Variants in ZNF521 observed in about 807,000 individuals in gnomAD.
The protein encoded by ZNF521 is LYST-interacting protein 3.
ZNF521 carries 14 observed loss-of-function variants against 105.5 expected under a neutral mutation model. That is an observed-to-expected ratio of 0.13 (90% CI 0.09 to 0.21). The LOEUF is 0.21. Ranked by LOEUF, ZNF521 falls within the 10% of genes least tolerant of loss-of-function variation. The pLI is 1.00. For synonymous variants in ZNF521, 635 were observed against 606.0 expected (o/e 1.05, Z -0.70); for missense variants, 1,233 against 1,629.7 (o/e 0.76, Z 4.19).
chr18:25,280,349 C>A (rs1221505192), intron 3 of ZNF521, among the ~76,000 whole-genome samples: 1 of 152,016 alleles, frequency 6.6e-6, no homozygotes. Flanking sequence ...CACACACACA[C>A]TCAGGCACTT....
At chr18:25,172,412 G>A (rs1003323730) in intron 5 of ZNF521, among the ~76,000 whole-genome samples, 8 of 152,054 alleles carry the variant, frequency 5.3e-5, no homozygotes, top group South Asian at 2.1e-4. Flanking sequence ...TAGTCCAGTC[G>A]AGTCCTCCAT....
intron 2 of ZNF521, among the ~76,000 whole-genome samples, chr18:25,331,379 T>C (rs921142678): frequency 1.3e-5 from 2 of 152,146 alleles, no homozygotes; most frequent in East Asian, 1.9e-4. Flanking sequence ...GTGTAGTCTT[T>C]AGTACATAAT....
chr18:25,125,645 G>A (rs941772362), intron 5 of ZNF521, among the ~76,000 whole-genome samples: 5 of 151,756 alleles, frequency 3.3e-5, no homozygotes, highest in African/African-American at 4.8e-5. Context: ...GTGTGTGTGC[G>A]TGTGTGTATG....
chr18:25,128,181 T>C (rs986577608), intron 5 of ZNF521, among the ~76,000 whole-genome samples: 3 of 151,960 alleles, frequency 2.0e-5, no homozygotes, highest in Admixed American at 6.6e-5. Context: ...TGAAAATCAG[T>C]TGATGTAATC....
rs1567970573 is a variant in ZNF521, at chr18:25,120,594, A to AAAC, written c.3659-28514_3659-28513insGTT. Among the ~76,000 whole-genome samples, 78 of 147,176 alleles carry AAAC rather than the reference A, an allele frequency of 5.3e-4. 1 individual carries two copies. In the South Asian group the frequency reaches 8.4e-3, roughly 16 times the overall value. ...GCAAAACTCCATCTAAAAAAAAAAAAAAAAAAAACCACAAACAAACAAACA... is the reference window on the plus strand; with the variant it reads ...GCAAAACTCCATCTAAAAAAAAAAAAAACAAAAAAAACCACAAACAAACAAACA... On this transcript the variant is annotated intron_variant, in intron 5 of 7. Transcript: ENST00000361524.
At chr18:25,088,822 G>A (rs1037720784) in intron 7 of ZNF521, among the ~76,000 whole-genome samples, 2 of 151,922 alleles carry the variant, frequency 1.3e-5, no homozygotes, top group African/African-American at 4.8e-5. Flanking sequence ...CATTTTCACT[G>A]TATAACAGCC....
chr18:25,280,829 T>C (rs577188292), intron 3 of ZNF521, among the ~76,000 whole-genome samples: 1 of 152,210 alleles, frequency 6.6e-6, no homozygotes, highest in South Asian at 2.1e-4. Context: ...GTTTTAAATG[T>C]ATTCACATCA....
intron 5 of ZNF521, among the ~76,000 whole-genome samples, chr18:25,165,622 T>C (rs1324680636): frequency 6.6e-6 from 1 of 152,210 alleles, no homozygotes; most frequent in Non-Finnish European, 1.5e-5. Context: ...TCCTACAAGG[T>C]GCTTTGTACT....
At position 25,227,231 on chromosome 18, in the gene ZNF521, G is replaced by A. The variant is rs140420623; in HGVS notation, c.687C>T (p.Asp229=). 35 of 1,614,010 alleles carry A rather than the reference G, an allele frequency of 2.2e-5. No individual in the cohort carries two copies. The highest frequency in any genetic ancestry group is 1.9e-4 in the African/African-American group (14 of 74,898). The change falls in exon 4 of 8, where the codon GAC becomes GAT. Residue 229 remains aspartate, a synonymous_variant. Coordinates refer to ENST00000361524, the MANE Select transcript of ZNF521 (RefSeq NM_015461.3). The surrounding 1 kb of genome is among the most constrained non-coding windows in gnomAD (Gnocchi z 5.7). ...CCATCCTGGAACCGGACTGAGAGCC[G>A]TCCTTGTTCCTCTCATGAACCTGCA... The part of the protein sequence containing the change: ...GHMQVHERNK[D]GSQSGSRMED...
At chr18:25,349,473 GA>G (rs1321019327) in intron 2 of ZNF521, among the ~76,000 whole-genome samples, 1 of 152,176 alleles carries the variant, frequency 6.6e-6, no homozygotes. Context: ...TGCGCTTTAG[GA>G]AAAAAGCAAG....
At chr18:25,217,254 G>A (rs1038011895) in intron 4 of ZNF521, among the ~76,000 whole-genome samples, 2 of 152,202 alleles carry the variant, frequency 1.3e-5, no homozygotes, top group Admixed American at 1.3e-4. Flanking sequence ...GATCTGTTAG[G>A]AAGCTACTGC....
At chr18:25,179,470 G>A (rs1010960233) in intron 5 of ZNF521, among the ~76,000 whole-genome samples, 3 of 151,986 alleles carry the variant, frequency 2.0e-5, no homozygotes, top group Admixed American at 1.3e-4. Context: ...TGATGTGTGT[G>A]TGTTTACGTG....
At chr18:25,246,475 T>C (rs1436755776) in intron 3 of ZNF521, among the ~76,000 whole-genome samples, 1 of 152,162 alleles carries the variant, frequency 6.6e-6, no homozygotes, top group Non-Finnish European at 1.5e-5. Context: ...CCTATTTTCC[T>C]TTTTCCCCCA....
At chr18:25,167,974 G>T (rs2035376535) in intron 5 of ZNF521, among the ~76,000 whole-genome samples, 1 of 152,214 alleles carries the variant, frequency 6.6e-6, no homozygotes, top group African/African-American at 2.4e-5. Context: ...AAGAGGGTAT[G>T]CACAAGGTGA....
chr18:25,297,209 T>C (rs1302300173), intron 3 of ZNF521, among the ~76,000 whole-genome samples: 1 of 152,012 alleles, frequency 6.6e-6, no homozygotes, highest in Non-Finnish European at 1.5e-5. Context: ...GTAGGTACTC[T>C]TTCAAAACAT....
chr18:25,093,527 C>T (rs1425254669), intron 5 of ZNF521, among the ~76,000 whole-genome samples: 1 of 152,178 alleles, frequency 6.6e-6, no homozygotes, highest in East Asian at 1.9e-4. Context: ...GTCCCAATTA[C>T]AAAGTGAGTA....
chr18:25,076,852 C>A (rs1464936712), intron 7 of ZNF521, among the ~76,000 whole-genome samples: 1 of 152,232 alleles, frequency 6.6e-6, no homozygotes, highest in Admixed American at 6.5e-5. Context: ...GAAAAGTTAA[C>A]ACAGAGGCCT....
At chr18:25,327,085 CA>C (rs1185959027) in intron 2 of ZNF521, among the ~76,000 whole-genome samples, 4 of 150,946 alleles carry the variant, frequency 2.6e-5, no homozygotes, top group South Asian at 2.1e-4. Flanking sequence ...AAAACTGTCA[CA>C]AAAAAAAATT....
chr18:25,113,793 C>CACACACACACACACACACACAGAGAG (rs1053377440), intron 5 of ZNF521, among the ~76,000 whole-genome samples: 1 of 147,870 alleles, frequency 6.8e-6, no homozygotes, highest in Non-Finnish European at 1.5e-5. Flanking sequence ...CACACACACA[C>CACACACACACACACACACACAGAGAG]AGAGACGGGG....
Sources: gnomAD v4.1 joint callset for allele counts (sites outside exome capture counted in the v4.1 genomes callset) on GRCh38, gnomAD v4.1.1 for gene constraint, Gnocchi (gnomAD v3.1) non-coding constraint, MANE v1.5 for transcripts, NCBI Gene and HGNC (gene_info 2026-07-23, HGNC 2026-07-21) for gene names.